The following AUTS2 variants were observed in gnomAD, a reference collection of about 807,000 sequenced individuals.
AUTS2 encodes the protein autism susceptibility gene 2 protein.
In AUTS2, 17 loss-of-function variants were observed where a neutral mutation model predicts 112.4. That is an observed-to-expected ratio of 0.15 (90% CI 0.10 to 0.23). The LOEUF (loss-of-function observed/expected upper bound fraction) is 0.23. Ranked by LOEUF, AUTS2 falls within the 10% of genes least tolerant of loss-of-function variation. The pLI is 1.00. For missense variants in AUTS2, 1,510 were observed against 1,701.6 expected (o/e 0.89, Z 1.98); for synonymous variants, 751 against 702.7 (o/e 1.07, Z -1.09).
intron 4 of AUTS2, among the ~76,000 whole-genome samples, chr7:70,429,337 G>A (rs1176371571): frequency 6.6e-6 from 1 of 152,246 alleles, no homozygotes; most frequent in African/African-American, 2.4e-5. Context: ...AAAGACTGTT[G>A]TGGCAAACAA....
In AUTS2 at chr7:70,573,268, A is replaced by T. The variant is rs184577645; in HGVS notation, c.691-125301A>T. Among the ~76,000 whole-genome samples the T allele has an allele frequency of 3.1e-3, 478 of 152,348 alleles. 3 individuals carry two copies. The highest frequency in any genetic ancestry group is 5.2e-3 in the Non-Finnish European group (356 of 68,024). On this transcript the variant is annotated intron_variant, in intron 5 of 18. Coordinates refer to ENST00000342771, the MANE Select transcript of AUTS2 (RefSeq NM_015570.4). ...GCTTCACTGGTCCCCGGAGGTGGCCACAGACGCAGTGGATTTAATGAGCTG... is the reference window on the plus strand; with the variant it reads ...GCTTCACTGGTCCCCGGAGGTGGCCTCAGACGCAGTGGATTTAATGAGCTG...
chr7:69,614,365 TTTTTTTAAGAG>T (rs74908034), intron 1 of AUTS2, among the ~76,000 whole-genome samples: 6 of 32,068 alleles, frequency 1.9e-4, no homozygotes, highest in Non-Finnish European at 4.4e-4. Context: ...TCTTTCTTTC[TTTTTTTAAGAG>T]ATGGGATCTC....
At chr7:70,265,495 T>C (rs933660515) in intron 4 of AUTS2, among the ~76,000 whole-genome samples, 10 of 152,216 alleles carry the variant, frequency 6.6e-5, no homozygotes, top group African/African-American at 2.4e-4. Flanking sequence ...AAAAGTTATC[T>C]CTCTGCTTCA....
At chr7:70,547,348 G>A (rs947904230) in intron 5 of AUTS2, among the ~76,000 whole-genome samples, 5 of 152,250 alleles carry the variant, frequency 3.3e-5, no homozygotes, top group Admixed American at 1.3e-4. Context: ...TCCGCCTCCC[G>A]GGGTCAAGCG....
chr7:70,504,013 T>G (rs1798869211), intron 5 of AUTS2, among the ~76,000 whole-genome samples: 1 of 148,584 alleles, frequency 6.7e-6, no homozygotes, highest in Non-Finnish European at 1.5e-5. Flanking sequence ...AAACAAAAAT[T>G]TTGAATTTTT....
intron 2 of AUTS2, among the ~76,000 whole-genome samples, chr7:69,936,244 T>C (rs1796404781): frequency 6.6e-6 from 1 of 152,248 alleles, no homozygotes; most frequent in Non-Finnish European, 1.5e-5. Context: ...AGGCCTCTTC[T>C]CTTTCAGTTC....
Position 69,846,895 on chromosome 7 carries a change from G to T in AUTS2, c.310-52391G>T, listed in dbSNP as rs139418793. 3.4e-4 allele frequency among the ~76,000 whole-genome samples: 52 copies of T among 152,202 alleles called. 1 individual carries two copies. In the East Asian group the frequency reaches 0.01, roughly 29 times the overall value. ...GCCCCCACATCAGCTTTCTAATCTAGGTGTTAATAATTCCCATTTTACAGA... is the reference window on the plus strand; with the variant it reads ...GCCCCCACATCAGCTTTCTAATCTATGTGTTAATAATTCCCATTTTACAGA... On this transcript the variant is annotated intron_variant, in intron 1 of 18. Coordinates refer to ENST00000342771, the MANE Select transcript of AUTS2 (RefSeq NM_015570.4).
intron 1 of AUTS2, among the ~76,000 whole-genome samples, chr7:69,637,056 C>T (rs551915199): frequency 2.2e-3 from 339 of 152,298 alleles, no homozygotes; most frequent in Non-Finnish European, 4.1e-3. Flanking sequence ...TGAGCCACCG[C>T]GCCCGGCCTG....
At chr7:70,373,946 A>G (rs1792965679) in intron 4 of AUTS2, among the ~76,000 whole-genome samples, 1 of 151,996 alleles carries the variant, frequency 6.6e-6, no homozygotes, top group South Asian at 2.1e-4. Flanking sequence ...TGAATGGTCT[A>G]TACGGAATGT....
chr7:70,691,647 TC>T (rs2129546435), intron 5 of AUTS2, among the ~76,000 whole-genome samples: 1 of 152,024 alleles, frequency 6.6e-6, no homozygotes, highest in South Asian at 2.1e-4. Flanking sequence ...CATTTGTGAG[TC>T]TGGAGAGAGG....
chr7:69,727,513 C>G (rs1265437967), intron 1 of AUTS2, among the ~76,000 whole-genome samples: 5 of 152,164 alleles, frequency 3.3e-5, no homozygotes, highest in Admixed American at 1.3e-4. Context: ...TAGCTTGAAC[C>G]TGGGAGGCGG....
At chr7:70,518,180 T>C (rs1295641589) in intron 5 of AUTS2, among the ~76,000 whole-genome samples, 1 of 152,218 alleles carries the variant, frequency 6.6e-6, no homozygotes, top group African/African-American at 2.4e-5. Context: ...GAAAGCTAGG[T>C]CTCCAAATGT....
intron 4 of AUTS2, among the ~76,000 whole-genome samples, chr7:70,143,370 A>G (rs1465195605): frequency 6.6e-6 from 1 of 152,244 alleles, no homozygotes; most frequent in African/African-American, 2.4e-5. Flanking sequence ...CATTTTAACA[A>G]AAGCACCCTG....
intron 6 of AUTS2, among the ~76,000 whole-genome samples, chr7:70,759,740 AG>A (rs1161578233): frequency 1.3e-5 from 2 of 152,214 alleles, no homozygotes; most frequent in African/African-American, 4.8e-5. Context: ...GCCATCTGCA[AG>A]CTTGGCTGTG....
chr7:70,616,886 G>A (rs1421302459), intron 5 of AUTS2, among the ~76,000 whole-genome samples: 2 of 151,324 alleles, frequency 1.3e-5, no homozygotes, highest in Admixed American at 6.6e-5. Context: ...ACAAGATTAA[G>A]AGCAGAGAAG....
chr7:69,775,427 T>A (rs1392212534), intron 1 of AUTS2, among the ~76,000 whole-genome samples: 2 of 152,192 alleles, frequency 1.3e-5, no homozygotes, highest in Admixed American at 1.3e-4. Flanking sequence ...CTATCATATT[T>A]CCATCTAGGC....
At chr7:70,713,592 C>G (rs1810180071) in intron 6 of AUTS2, among the ~76,000 whole-genome samples, 1 of 152,164 alleles carries the variant, frequency 6.6e-6, no homozygotes, top group South Asian at 2.1e-4. Context: ...AGCTAGAGGA[C>G]TTGTTAAGAT....
intron 1 of AUTS2, among the ~76,000 whole-genome samples, chr7:69,776,020 A>C (rs1788878093): frequency 6.6e-6 from 1 of 151,780 alleles, no homozygotes; most frequent in Middle Eastern, 3.2e-3. Context: ...TCCTTGGGTC[A>C]CTCCTGTGGT....
chr7:70,756,131 C>T (rs369834493), intron 6 of AUTS2, among the ~76,000 whole-genome samples: 2 of 152,150 alleles, frequency 1.3e-5, no homozygotes, highest in South Asian at 4.1e-4. Context: ...TACTTGTATA[C>T]ATTTACACAC....
Sources: gnomAD v4.1 joint callset for allele counts (sites outside exome capture counted in the v4.1 genomes callset) on GRCh38, gnomAD v4.1.1 for gene constraint, MANE v1.5 for transcripts, NCBI Gene and HGNC (gene_info 2026-07-23, HGNC 2026-07-21) for gene names.